CCDC38: variants seen among roughly 807,000 people sequenced by gnomAD.
CCDC38 encodes the protein coiled-coil domain containing 38, also known as coiled-coil domain-containing protein 38.
A neutral mutation model predicts 72.8 loss-of-function variants in CCDC38; 69 were observed. The ratio of observed to expected loss-of-function variants is 0.95; its 90% CI spans 0.78 to 1.16. CCDC38 has a LOEUF of 1.16. CCDC38 is among the 50% of genes most tolerant of loss of function. The pLI is 0.00. For missense variants in CCDC38, 626 were observed against 638.9 expected, an observed-to-expected ratio of 0.98 and a Z score of 0.22; for synonymous variants, 201 against 213.2, an observed-to-expected ratio of 0.94 and a Z score of 0.50.
intron 4 of CCDC38, among the ~76,000 whole-genome samples, chr12:95,911,874 T>A (rs1179868215): frequency 6.6e-6 from 1 of 151,972 alleles, no homozygotes; most frequent in Admixed American, 6.6e-5. Flanking sequence ...GGTACCTACC[T>A]CCCCAAAAAT....
intron 1 of CCDC38, 135 bp from the exon 2 acceptor site, chr12:95,936,658 C>T: frequency 5.4e-6 from 3 of 556,370 alleles, no homozygotes; most frequent in South Asian, 3.5e-5. Context: ...ACTCTTTGAC[C>T]CAGCAATTTC....
rs772548138 is a variant in CCDC38, at chr12:95,919,514, T to C, written c.38-538A>G. 2.0e-4 allele frequency: 93 copies of C among 455,952 alleles called. 1 individual carries two copies. The highest frequency in any genetic ancestry group is 3.0e-4 in the Non-Finnish European group (69 of 226,800). The allele number at this position is 455,952 out of a possible 1,614,324, so 28.2% of individuals were successfully genotyped here. On this transcript the variant is annotated intron_variant, in intron 2 of 15. Coordinates refer to ENST00000344280, the MANE Select transcript of CCDC38 (RefSeq NM_182496.3). ...GGAGTATGGAGTCCTTCTCAGGCCATGTTTAGTTTGCTTTAACAGTAGAAT... is the reference window on the plus strand; with the variant it reads ...GGAGTATGGAGTCCTTCTCAGGCCACGTTTAGTTTGCTTTAACAGTAGAAT...
At chr12:95,902,650 T>C (rs2121485156) in intron 5 of CCDC38, among the ~76,000 whole-genome samples, 1 of 152,284 alleles carries the variant, frequency 6.6e-6, no homozygotes, top group Non-Finnish European at 1.5e-5. Flanking sequence ...GTTTCCTACA[T>C]TGGGCTACTT....
At chr12:95,942,838 GCTCTAC>G (rs1446856003), upstream of CCDC38, 2 of 153,132 alleles carry the variant, frequency 1.3e-5, no homozygotes, top group African/African-American at 4.8e-5. Flanking sequence ...CTCTCCCGGG[GCTCTAC>G]CTCCAAGCTC....
chr12:95,905,119 G>C (rs1472808473), intron 5 of CCDC38, among the ~76,000 whole-genome samples: 2 of 152,038 alleles, frequency 1.3e-5, no homozygotes, highest in African/African-American at 4.8e-5. Flanking sequence ...CAATGTAAAT[G>C]CTATATATAA....
rs538683424 is a variant in CCDC38, at chr12:95,867,325, A to T, written c.1579-136T>A. On this transcript the variant is annotated intron_variant, in intron 15 of 15. Transcript: ENST00000344280. ...TGTAACATTAACTAATCACAGTTAA[A>T]AGGGACTTATAACCTAACGGATGTC... 6 of 627,722 alleles carry T rather than the reference A, an allele frequency of 9.6e-6. No individual in the cohort carries two copies. The African/African-American group carries it at 1.1e-4, about 12-fold the overall frequency. The allele number at this position is 627,722 out of a possible 1,614,324, so 38.9% of individuals were successfully genotyped here. A position where few individuals can be genotyped will look rare whatever the true frequency, so the allele number is the denominator to read the frequency against.
intron 2 of CCDC38, chr12:95,935,418 C>G (rs1308436478): frequency 6.0e-6 from 1 of 166,870 alleles, no homozygotes; most frequent in East Asian, 1.8e-4. Context: ...GATGTAATCA[C>G]TGGTGTGGAA....
intron 2 of CCDC38, among the ~76,000 whole-genome samples, chr12:95,923,999 A>G (rs1423261574): frequency 3.9e-5 from 5 of 126,754 alleles, no homozygotes; most frequent in Admixed American, 2.5e-4. Flanking sequence ...GCTGCAATAA[A>G]CATACGTGTG....
chr12:95,899,823 T>C (rs2079931942), intron 5 of CCDC38, among the ~76,000 whole-genome samples: 1 of 152,104 alleles, frequency 6.6e-6, no homozygotes, highest in Non-Finnish European at 1.5e-5. Context: ...GGGGTGTAAA[T>C]AGAGTGATGA....
intron 10 of CCDC38, among the ~76,000 whole-genome samples, chr12:95,884,241 C>T (rs547891233): frequency 2.0e-5 from 3 of 152,332 alleles, no homozygotes; most frequent in East Asian, 1.9e-4. Flanking sequence ...GAGTTCAGTA[C>T]GGTCAGGGTA....
chr12:95,869,332 A>G, intron 15 of CCDC38, 148 bp downstream of exon 15: 1 of 573,384 alleles, frequency 1.7e-6, no homozygotes. Context: ...TCTAAAAGTA[A>G]CAAGGAACCA....
chr12:95,916,956 G>A (rs2080151048), intron 4 of CCDC38, among the ~76,000 whole-genome samples, 173 bp downstream of exon 4: 1 of 152,104 alleles, frequency 6.6e-6, no homozygotes, highest in African/African-American at 2.4e-5. Flanking sequence ...GGAAAAGTAT[G>A]TTTTCTTATT....
At chr12:95,912,452 A>G (rs1291335765) in intron 4 of CCDC38, among the ~76,000 whole-genome samples, 1 of 152,168 alleles carries the variant, frequency 6.6e-6, no homozygotes, top group Non-Finnish European at 1.5e-5. Context: ...GGTCACTAGA[A>G]GCAGGGAAGG....
At chr12:95,924,695 C>T (rs887171956) in intron 2 of CCDC38, among the ~76,000 whole-genome samples, 1 of 151,370 alleles carries the variant, frequency 6.6e-6, no homozygotes, top group African/African-American at 2.4e-5. Flanking sequence ...AGTCTTTAAT[C>T]CATCTTGAAT....
chr12:95,912,001 G>T (rs1034912276), intron 4 of CCDC38, among the ~76,000 whole-genome samples: 12 of 152,220 alleles, frequency 7.9e-5, no homozygotes, highest in African/African-American at 2.9e-4. Flanking sequence ...TAAAGAAAAT[G>T]TGGTGCATGT....
intron 5 of CCDC38, among the ~76,000 whole-genome samples, chr12:95,904,884 G>A (rs990707371): frequency 1.3e-5 from 2 of 152,108 alleles, no homozygotes; most frequent in East Asian, 3.9e-4. Context: ...ATTACCACCC[G>A]GAAGTCAAGA....
intron 2 of CCDC38, among the ~76,000 whole-genome samples, chr12:95,928,647 GT>G (rs1204122253): frequency 7.2e-5 from 11 of 152,160 alleles, no homozygotes; most frequent in African/African-American, 2.7e-4. Flanking sequence ...TTTCTGTTCT[GT>G]TTTTTCCCCA....
At chr12:95,873,903 G>C (rs1468060477) in intron 13 of CCDC38, among the ~76,000 whole-genome samples, 1 of 152,162 alleles carries the variant, frequency 6.6e-6, no homozygotes, top group African/African-American at 2.4e-5. Context: ...TTAGCATAAA[G>C]CTCCTTTTTA....
At chr12:95,870,897 C>G (rs1342804881) in intron 14 of CCDC38, among the ~76,000 whole-genome samples, 1 of 152,166 alleles carries the variant, frequency 6.6e-6, no homozygotes, top group Non-Finnish European at 1.5e-5. Context: ...TCATAATTTA[C>G]TTGGATCATC....
Sources: gnomAD v4.1 joint callset for allele counts (sites outside exome capture counted in the v4.1 genomes callset) on GRCh38, gnomAD v4.1.1 for gene constraint, MANE v1.5 for transcripts, NCBI Gene and HGNC (gene_info 2026-07-23, HGNC 2026-07-21) for gene names.